The following LONRF2 variants were observed in gnomAD, a reference collection of about 807,000 sequenced individuals.
LONRF2 encodes the protein LON peptidase N-terminal domain and RING finger protein 2.
A neutral mutation model predicts 66.6 loss-of-function variants in LONRF2; 35 were observed. The observed-to-expected ratio is 0.53, with a 90% CI of 0.40 to 0.70. The LOEUF (loss-of-function observed/expected upper bound fraction) is 0.70. Among genes scored for constraint, LONRF2 ranks in the 30% least tolerant of loss-of-function variants. The pLI, the probability that LONRF2 is intolerant of heterozygous loss-of-function variation, is 0.00. For missense variants in LONRF2, 902 were observed against 1,002.1 expected, an observed-to-expected ratio of 0.90 and a Z score of 1.35; for synonymous variants, 417 against 418.1, an observed-to-expected ratio of 1.00 and a Z score of 0.03.
chr2:100,297,705 C>T (rs1675101289), intron 7 of LONRF2, among the ~76,000 whole-genome samples: 1 of 152,210 alleles, frequency 6.6e-6, no homozygotes. Context: ...AACAGCTCTG[C>T]AGACTCAGAG....
At position 100,321,426 on chromosome 2, in the gene LONRF2, G is replaced by A; in HGVS notation, c.668C>T (p.Ala223Val). Residue 223 changes from alanine to valine, a missense_variant, in exon 1 of 12, where the codon GCC (alanine) becomes GTC (valine). This residue lies in a region of LONRF2 where 585 missense variants were observed against 569.9 expected (regional missense o/e 1.03). Transcript: ENST00000393437. ...CGCAGCCGACTCACCCAGCTCCAGG[G>A]CCTGGTCGCACCTGAGCAGCGCGGC... The part of the protein sequence containing the change: ...PEAALLRCDQ[A>V]LELAPDDNSL... 1.4e-6 allele frequency: 2 copies of A among 1,480,860 alleles called. No homozygotes were observed. The highest frequency in any genetic ancestry group is 1.8e-6 in the Non-Finnish European group (2 of 1,125,996). The allele number at this position is 1,480,860 out of a possible 1,614,324, so 91.7% of individuals were successfully genotyped here.
In LONRF2 at chr2:100,294,211, A is replaced by T; in HGVS notation, c.1757+18T>A. The stretch of plus-strand genomic sequence containing the variant: ...CCCTTCATTAGGACCCTTTGAACCA[A>T]ATGCTAACAGTTCTTACCCCGCGTG... On this transcript the variant is annotated intron_variant, in intron 9 of 11. Transcript: ENST00000393437. 1 of 1,604,578 alleles carries T rather than the reference A, an allele frequency of 6.2e-7. No homozygotes were observed. The highest frequency in any genetic ancestry group is 8.5e-7 in the Non-Finnish European group (1 of 1,176,486).
rs1481195677 is a variant in LONRF2 at position 100,280,553 on chromosome 2, A to C, written c.*3745T>G. The C allele has an allele frequency of 6.6e-6, 1 of 152,082 alleles. No homozygotes were observed. The highest frequency in any genetic ancestry group is 1.5e-5 in the Non-Finnish European group (1 of 68,050). The allele number at this position is 152,082 out of a possible 1,614,324, so 9.4% of individuals were successfully genotyped here. A position where few individuals can be genotyped will look rare whatever the true frequency, so the allele number is the denominator to read the frequency against. On this transcript the variant is annotated 3_prime_UTR_variant, in exon 12 of 12. Coordinates refer to ENST00000393437, the MANE Select transcript of LONRF2 (RefSeq NM_198461.4). The stretch of plus-strand genomic sequence containing the variant: ...CACTGTGGGAGGCCGAGGCGGGCAG[A>C]TCATGGGGTCAGGAGTTCGAGACCA...
At chr2:100,309,011 T>C in intron 2 of LONRF2, 96 bp downstream of exon 2, 3 of 777,334 alleles carry the variant, frequency 3.9e-6, no homozygotes, top group Non-Finnish European at 4.1e-6. Flanking sequence ...ACATACTTTG[T>C]CTATAGGTAC....
intron 10 of LONRF2, among the ~76,000 whole-genome samples, chr2:100,288,930 T>C (rs974004120): frequency 3.3e-5 from 5 of 152,256 alleles, no homozygotes; most frequent in African/African-American, 9.6e-5. Flanking sequence ...AAGACTGTTA[T>C]GGACATCCTT....
chr2:100,291,438 G>A (rs1196290461), intron 9 of LONRF2, among the ~76,000 whole-genome samples: 2 of 151,884 alleles, frequency 1.3e-5, no homozygotes, highest in African/African-American at 2.4e-5. Context: ...TCCTGCCTTC[G>A]CCCACAAGGT....
In LONRF2 at chr2:100,322,230, C is replaced by G. The variant is rs965759334; in HGVS notation, c.-137G>C. On this transcript the variant is annotated 5_prime_UTR_variant, in exon 1 of 12. Transcript: ENST00000393437. ...ACGCGCGTCTGGGGGCGGCGCGCTGCGAGCGGCTGAGACCGCGGGCGGGGG... is the reference window on the plus strand; with the variant it reads ...ACGCGCGTCTGGGGGCGGCGCGCTGGGAGCGGCTGAGACCGCGGGCGGGGG... 2 of 884,262 alleles carry G rather than the reference C, an allele frequency of 2.3e-6. No homozygotes were observed. The highest frequency in any genetic ancestry group is 1.8e-5 in the African/African-American group (1 of 55,682). The allele number at this position is 884,262 out of a possible 1,614,324, so 54.8% of individuals were successfully genotyped here.
Position 100,321,655 on chromosome 2 carries a change from G to T in LONRF2, c.439C>A (p.Arg147=). 7.3e-7 allele frequency: 1 copy of T among 1,377,044 alleles called. No individual in the cohort carries two copies. The highest frequency in any genetic ancestry group is 9.4e-7 in the Non-Finnish European group (1 of 1,065,200). 85.3% of individuals were successfully genotyped at this position (1,377,044 alleles called of 1,614,324 possible). A position where few individuals can be genotyped will look rare whatever the true frequency, so the allele number is the denominator to read the frequency against. The change falls in exon 1 of 12, where the codon CGG becomes AGG. Residue 147 remains arginine (R), a synonymous_variant. Coordinates refer to ENST00000393437, the MANE Select transcript of LONRF2 (RefSeq NM_198461.4). ...PRDLLGCPRC[R]RLLHKPVTLP... The stretch of plus-strand genomic sequence containing the variant: ...GTCACCGGCTTATGCAGCAGCCGCC[G>T]GCAGCGCGGGCAGCCGAGCAGGTCG...
In LONRF2 at chr2:100,299,928, T is replaced by TG. The variant is rs1298834252; in HGVS notation, c.1066-11dup. 6.5e-7 allele frequency: 1 copy of TG among 1,550,340 alleles called. No individual in the cohort carries two copies. The highest frequency in any genetic ancestry group is 8.8e-7 in the Non-Finnish European group (1 of 1,140,002). Reference sequence around the variant, plus strand: ...ATTTCTCAGATGAATTCTGGTTAAGTGGGAAAAAAAGGAATCCTGAGTATT... The same window carrying TG: ...ATTTCTCAGATGAATTCTGGTTAAGTGGGGAAAAAAAGGAATCCTGAGTATT... On this transcript the variant is annotated splice_polypyrimidine_tract_variant and intron_variant, in intron 4 of 11. Transcript: ENST00000393437.
Position 100,321,904 on chromosome 2 carries a change from G to C in LONRF2, c.190C>G (p.Leu64Val). The C allele has an allele frequency of 7.7e-7, 1 of 1,305,038 alleles. No individual in the cohort carries two copies. The highest frequency in any genetic ancestry group is 9.7e-7 in the Non-Finnish European group (1 of 1,026,570). 80.8% of individuals were successfully genotyped at this position (1,305,038 alleles called of 1,614,324 possible). A position where few individuals can be genotyped will look rare whatever the true frequency, so the allele number is the denominator to read the frequency against. Residue 64 changes from leucine (L) to valine (V), a missense_variant, in exon 1 of 12, where the codon CTG becomes GTG. By Grantham distance (32) the Leu-to-Val change is conservative. Coordinates refer to ENST00000393437, the MANE Select transcript of LONRF2 (RefSeq NM_198461.4). ...AQPDRGLCLR[L>V]GDALARAGRL... ...CCGGCGCGGGCCAGCGCGTCCCCCA[G>C]CCTCAGGCACAGGCCGCGGTCCGGC...
intron 1 of LONRF2, among the ~76,000 whole-genome samples, chr2:100,316,540 T>G (rs1041095870): frequency 6.6e-6 from 1 of 152,114 alleles, no homozygotes; most frequent in South Asian, 2.1e-4. Flanking sequence ...AAAGAACATA[T>G]ACAGTCTGGT....
At chr2:100,287,443 GTTGTT>G (rs1290789312) in intron 10 of LONRF2, among the ~76,000 whole-genome samples, 9 of 152,258 alleles carry the variant, frequency 5.9e-5, no homozygotes, top group Middle Eastern at 3.4e-3. Context: ...TTATGGAAAA[GTTGTT>G]TTGTTTTGTT....
Position 100,290,244 on chromosome 2 carries a change from A to G in LONRF2, c.1920+14T>C. 6.2e-7 allele frequency: 1 copy of G among 1,604,850 alleles called. No individual in the cohort carries two copies. The highest frequency in any genetic ancestry group is 1.3e-5 in the African/African-American group (1 of 74,642). ...ACCGACTGCTATAAAATACACCAGT[A>G]TGATAAGCCTTACCTTTTCATCTTC... is the stretch of plus-strand genomic sequence containing the variant. On this transcript the variant is annotated intron_variant, in intron 10 of 11. Transcript: ENST00000393437.
intron 1 of LONRF2, among the ~76,000 whole-genome samples, chr2:100,313,667 T>C (rs897215672): frequency 1.3e-5 from 2 of 152,132 alleles, no homozygotes; most frequent in Admixed American, 1.3e-4. Flanking sequence ...TCTCAACCTT[T>C]GCATGTGTAC....
At chr2:100,313,939 A>T (rs1201907798) in intron 1 of LONRF2, among the ~76,000 whole-genome samples, 2 of 152,136 alleles carry the variant, frequency 1.3e-5, no homozygotes, top group African/African-American at 4.8e-5. Context: ...TTAATATTTT[A>T]AAAAATTTAA....
chr2:100,298,780 CG>C, intron 7 of LONRF2, 55 bp downstream of exon 7: 1 of 1,293,760 alleles, frequency 7.7e-7, no homozygotes, highest in Non-Finnish European at 1.1e-6. Context: ...AGGGAGTAAG[CG>C]TCCACCAAGG....
At chr2:100,285,346 T>C (rs995490126) in intron 11 of LONRF2, among the ~76,000 whole-genome samples, 3 of 152,114 alleles carry the variant, frequency 2.0e-5, no homozygotes, top group South Asian at 2.1e-4. Context: ...CCTTCAGAGG[T>C]AGAAAGGCAC....
In LONRF2 at chr2:100,294,231, C is replaced by T. The variant is rs753758939; in HGVS notation, c.1755G>A (p.Ala585=). 7.5e-6 allele frequency: 12 copies of T among 1,601,802 alleles called. No homozygotes were observed. The highest frequency in any genetic ancestry group is 2.3e-5 in the South Asian group (2 of 88,752). The change falls in exon 9 of 12, where the codon GCG becomes GCA. Residue 585 remains alanine, a splice_region_variant and synonymous_variant. Transcript: ENST00000393437. ...RFGMCLSAEH[A]GLSEYGCMLE... is the part of the protein sequence containing the mutation. Reference sequence around the variant, plus strand: ...AACCAAATGCTAACAGTTCTTACCCCGCGTGCTCAGCAGATAAACACATGC... The same window carrying T: ...AACCAAATGCTAACAGTTCTTACCCTGCGTGCTCAGCAGATAAACACATGC...
In LONRF2 at chr2:100,294,232, G is replaced by A. The variant is rs759132656; in HGVS notation, c.1754C>T (p.Ala585Val). ...RFGMCLSAEH[A>V]GLSEYGCMLE... ...ACCAAATGCTAACAGTTCTTACCCC[G>A]CGTGCTCAGCAGATAAACACATGCC... The change falls in exon 9 of 12, where the codon GCG becomes GTG. Residue 585 changes from alanine to valine, a missense_variant. By Grantham distance (64) the Ala-to-Val change is moderately conservative. Coordinates refer to ENST00000393437, the MANE Select transcript of LONRF2 (RefSeq NM_198461.4). 36 of 1,601,114 alleles carry A rather than the reference G, an allele frequency of 2.2e-5. No individual in the cohort carries two copies. The highest frequency in any genetic ancestry group is 1.8e-4 in the African/African-American group (13 of 74,102).
Sources: gnomAD v4.1 joint callset for allele counts (sites outside exome capture counted in the v4.1 genomes callset) on GRCh38, gnomAD v4.1.1 for gene constraint, gnomAD v4.1.1 regional missense constraint, MANE v1.5 for transcripts, NCBI Gene and HGNC (gene_info 2026-07-23, HGNC 2026-07-21) for gene names.